The following C2CD5 variants were observed in gnomAD, a reference collection of about 807,000 sequenced individuals.
C2CD5 encodes C2 domain-containing protein 5.
Under a neutral mutation model 130.3 loss-of-function variants are expected in C2CD5, and 109 were observed. The ratio of observed to expected loss-of-function variants is 0.84; its 90% CI spans 0.72 to 0.98. The LOEUF is 0.98. Ranked by LOEUF, C2CD5 falls within the 50% of genes least tolerant of loss-of-function variation. The pLI, the probability that C2CD5 is intolerant of heterozygous loss-of-function variation, is 0.00. For synonymous variants in C2CD5, 454 were observed against 429.2 expected, an observed-to-expected ratio of 1.06 and a Z score of -0.71; for missense variants, 996 against 1,261.8, an observed-to-expected ratio of 0.79 and a Z score of 3.19.
At chr12:22,529,409 T>C (rs1951011893) in intron 3 of C2CD5, among the ~76,000 whole-genome samples, 1 of 152,188 alleles carries the variant, frequency 6.6e-6, no homozygotes, top group Non-Finnish European at 1.5e-5. Flanking sequence ...TAACCACCTG[T>C]ACATTCACCT....
At chr12:22,502,802 A>G in intron 10 of C2CD5, 1 of 1,527,010 alleles carries the variant, frequency 6.5e-7, no homozygotes, top group Non-Finnish European at 8.8e-7. Context: ...ATTCCGACAA[A>G]GGCTGAGTTC....
intron 12 of C2CD5, among the ~76,000 whole-genome samples, chr12:22,487,972 C>T (rs1945772632): frequency 6.8e-6 from 1 of 146,432 alleles, no homozygotes; most frequent in Non-Finnish European, 1.5e-5. Context: ...AAACACTGCA[C>T]GTTCTCACTC....
intron 12 of C2CD5, 56 bp downstream of exon 12, chr12:22,490,067 A>G: frequency 7.7e-7 from 1 of 1,294,090 alleles, no homozygotes; most frequent in South Asian, 1.2e-5. Context: ...TCAGAAAAAA[A>G]GTCGACCTCT....
chr12:22,469,739 G>C lies in C2CD5; in HGVS notation c.2503C>G (p.Leu835Val), dbSNP rs745361913. ...GCTGGTGGAAAAGGATGAGAAGGAA[G>C]TGAATCTGAACACAGTTCCAGTGGA... ...QFPLELCSDS[L>V]PSHPFPPAKE... Residue 835 changes from leucine to valine, a missense_variant, in exon 22 of 27, where the codon CTT becomes GTT. Leu to Val is a conservative substitution (Grantham distance 32). Around this residue, in one of 9 missense-constraint regions of C2CD5, gnomAD observed 590 missense variants for 631.4 expected, o/e 0.93. Transcript: ENST00000446597. The C allele has an allele frequency of 1.9e-6, 3 of 1,605,586 alleles. No homozygotes were observed. The highest frequency in any genetic ancestry group is 1.7e-5 in the Admixed American group (1 of 59,052).
intron 26 of C2CD5, among the ~76,000 whole-genome samples, chr12:22,452,793 G>A (rs1309571598): frequency 6.6e-6 from 1 of 152,170 alleles, no homozygotes; most frequent in African/African-American, 2.4e-5. Context: ...CCAGTCAGGT[G>A]TGGTGGCATG....
intron 8 of C2CD5, chr12:22,515,202 A>G: frequency 1.2e-6 from 1 of 848,710 alleles, no homozygotes. Context: ...ATGATCAGAA[A>G]ATGCAGGCTA....
chr12:22,523,986 G>C (rs927961394), intron 6 of C2CD5, among the ~76,000 whole-genome samples: 14 of 151,996 alleles, frequency 9.2e-5, no homozygotes, highest in African/African-American at 2.7e-4. Context: ...AAATAAAACA[G>C]TAAACAAGTT....
intron 26 of C2CD5, among the ~76,000 whole-genome samples, chr12:22,451,047 T>C (rs1053900079): frequency 6.6e-6 from 1 of 151,876 alleles, no homozygotes; most frequent in East Asian, 1.9e-4. Context: ...ATAAAATCTC[T>C]CTGGTTACAC....
intron 2 of C2CD5, among the ~76,000 whole-genome samples, chr12:22,536,839 C>T (rs1436292378): frequency 6.6e-6 from 1 of 151,852 alleles, no homozygotes; most frequent in African/African-American, 2.4e-5. Context: ...TCAAGTATTA[C>T]TTGCATAATT....
chr12:22,504,292 ATGTTTTTTTTTCTT>A (rs1948184679), intron 10 of C2CD5, among the ~76,000 whole-genome samples: 1 of 149,320 alleles, frequency 6.7e-6, no homozygotes, highest in African/African-American at 2.5e-5. Context: ...TAAAATCAAA[ATGTTTTTTTTTCTT>A]TTTTTTTTTT....
chr12:22,519,163 G>A (rs1239802945), intron 7 of C2CD5: 8 of 1,535,762 alleles, frequency 5.2e-6, no homozygotes, highest in Admixed American at 2.0e-5. Context: ...TGAGTAAGTC[G>A]TGAGCCAGTA....
chr12:22,485,395 CACA>C (rs1945347647), intron 12 of C2CD5, among the ~76,000 whole-genome samples: 3 of 151,748 alleles, frequency 2.0e-5, no homozygotes. Context: ...CGTTTGATAG[CACA>C]ACAAGGTGAC....
At chr12:22,494,154 G>A (rs1946710969) in intron 10 of C2CD5, among the ~76,000 whole-genome samples, 1 of 151,886 alleles carries the variant, frequency 6.6e-6, no homozygotes, top group African/African-American at 2.4e-5. Context: ...GACAGCAGCT[G>A]CAAATTATAG....
intron 7 of C2CD5, among the ~76,000 whole-genome samples, chr12:22,520,840 A>G (rs992527847): frequency 3.3e-5 from 5 of 152,130 alleles, no homozygotes; most frequent in Non-Finnish European, 7.4e-5. Context: ...CATCAAAAAG[A>G]AAAAAACTTA....
intron 2 of C2CD5, among the ~76,000 whole-genome samples, chr12:22,539,828 T>C (rs1952177273): frequency 6.6e-6 from 1 of 151,966 alleles, no homozygotes; most frequent in South Asian, 2.1e-4. Flanking sequence ...ACCCTGTCTC[T>C]ACAAAAATAC....
At position 22,472,062 on chromosome 12, in the gene C2CD5, AC is replaced by A. The variant is rs1281962938; in HGVS notation, c.2172del (p.Met724IlefsTer5). 9 of 1,534,796 alleles carry A rather than the reference AC, an allele frequency of 5.9e-6. No homozygotes were observed. The highest frequency in any genetic ancestry group is 8.1e-6 in the Non-Finnish European group (9 of 1,115,382). The stretch of plus-strand genomic sequence containing the variant: ...AATCTGATTACTCTTACTGAAGTGA[AC>A]ATCTAAATGTGGGGTGACATAACAT... ...GINNWTSEIQ[M>X]FTSVRVIRLS... is the part of the protein sequence containing the mutation. On this transcript the variant is annotated frameshift_variant and splice_region_variant, in exon 19 of 27. Coordinates refer to ENST00000446597, the MANE Select transcript of C2CD5 (RefSeq NM_001286176.2). LOFTEE classifies it high-confidence loss of function.
chr12:22,538,382 G>A (rs1383369102), intron 2 of C2CD5, among the ~76,000 whole-genome samples: 1 of 152,126 alleles, frequency 6.6e-6, no homozygotes, highest in Non-Finnish European at 1.5e-5. Context: ...AATATAGTAA[G>A]AAATACAGTT....
intron 8 of C2CD5, among the ~76,000 whole-genome samples, chr12:22,517,759 C>A (rs1005519909): frequency 2.0e-4 from 30 of 152,092 alleles, no homozygotes; most frequent in African/African-American, 7.0e-4. Flanking sequence ...AAATCGTGGA[C>A]TTTGATATCT....
At chr12:22,479,670 TTAGA>T (rs1565691377) in intron 14 of C2CD5, among the ~76,000 whole-genome samples, 1 of 152,148 alleles carries the variant, frequency 6.6e-6, no homozygotes, top group Admixed American at 6.5e-5. Flanking sequence ...AAAGTGTTTA[TTAGA>T]TACAGATTTA....
Sources: allele counts gnomAD v4.1 joint callset (sites outside exome capture counted in the v4.1 genomes callset), GRCh38; gene constraint gnomAD v4.1.1; regional missense constraint gnomAD v4.1.1; transcripts MANE v1.5; gene names NCBI Gene and HGNC (gene_info 2026-07-23, HGNC 2026-07-21).